MBNL2: variants seen among roughly 807,000 people sequenced by gnomAD.
The protein encoded by MBNL2 is muscleblind-like protein 2.
MBNL2 carries 17 observed loss-of-function variants against 41.9 expected under a neutral mutation model. That is an observed-to-expected ratio of 0.41 (90% CI 0.28 to 0.61). MBNL2 has a LOEUF of 0.61. Among genes scored for constraint, MBNL2 ranks in the 20% least tolerant of loss-of-function variants. The probability of loss-of-function intolerance (pLI) is 0.35; values close to 1 mark genes in which losing one functional copy is unlikely to be tolerated. For synonymous variants in MBNL2, 195 were observed against 182.9 expected (o/e 1.07, Z -0.53); for missense variants, 336 against 505.6 (o/e 0.66, Z 3.22).
the MBNL2 span, among the ~76,000 whole-genome samples, chr13:97,186,177 A>G: frequency 6.6e-6 from 1 of 152,348 alleles, no homozygotes; most frequent in African/African-American, 2.4e-5. Flanking sequence ...CCAGATGGGT[A>G]AATTTCATAA....
upstream of MBNL2, among the ~76,000 whole-genome samples, chr13:97,220,197 T>C (rs1259658388): frequency 6.6e-6 from 1 of 152,222 alleles, no homozygotes; most frequent in Non-Finnish European, 1.5e-5. Flanking sequence ...GCATTTATTA[T>C]GTGCCAGTCA....
chr13:97,205,096 G>T, the MBNL2 span, among the ~76,000 whole-genome samples: 6 of 150,712 alleles, frequency 4.0e-5, no homozygotes, highest in African/African-American at 1.5e-4. Flanking sequence ...ACTTGAACCC[G>T]GGAGGTGGAG....
At chr13:97,367,366 T>A (rs1455925281) in intron 8 of MBNL2, among the ~76,000 whole-genome samples, 1 of 152,174 alleles carries the variant, frequency 6.6e-6, no homozygotes, top group Non-Finnish European at 1.5e-5. Context: ...AACTCTCACC[T>A]CGCCTGGAAG....
rs147584909 is a variant in MBNL2, at chr13:97,389,712, A to AAAAG, written c.1049-1586_1049-1583dup. 2.8e-3 allele frequency among the ~76,000 whole-genome samples: 428 copies of AAAAG among 151,746 alleles called. 1 individual carries two copies. The highest frequency in any genetic ancestry group is 7.5e-3 in the African/African-American group (310 of 41,280). On this transcript the variant is annotated intron_variant, in intron 8 of 8. Transcript: ENST00000679496. ...CAGAGGGAGACCCTGTCTCAAAAAA[A>AAAAG]AAAGAAAGAAAGAAAGAAAGAAAGA...
At position 97,383,347 on chromosome 13, in the gene MBNL2, T is replaced by C. The variant is rs536999151; in HGVS notation, c.1049-7975T>C. On this transcript the variant is annotated intron_variant, in intron 8 of 8. Transcript: ENST00000679496. ...TTATTCAAAGTTGAGCATTCCCGTT[T>C]ATGAATTTTATCCAGATACTCTAAG... 3.9e-5 allele frequency among the ~76,000 whole-genome samples: 6 copies of C among 152,354 alleles called. No individual in the cohort carries two copies. The South Asian group carries it at 1.2e-3, about 32-fold the overall frequency.
At chr13:97,174,150 AG>A in the MBNL2 span, among the ~76,000 whole-genome samples, 3 of 152,174 alleles carry the variant, frequency 2.0e-5, no homozygotes, top group Admixed American at 2.0e-4. Flanking sequence ...TCTCTTAGGC[AG>A]GGTGAAAAAT....
the MBNL2 span, among the ~76,000 whole-genome samples, chr13:97,197,926 GAT>G: frequency 6.6e-6 from 1 of 152,152 alleles, no homozygotes; most frequent in South Asian, 2.1e-4. Context: ...AAGTTAGAAA[GAT>G]ATTAGTAGAA....
At chr13:97,389,109 T>G (rs1187389401) in intron 8 of MBNL2, among the ~76,000 whole-genome samples, 1 of 152,200 alleles carries the variant, frequency 6.6e-6, no homozygotes, top group Non-Finnish European at 1.5e-5. Flanking sequence ...ATCGGTAGAC[T>G]GGGGCAGAGG....
chr13:97,351,988 C>T (rs1051264230), intron 5 of MBNL2, among the ~76,000 whole-genome samples: 9 of 150,560 alleles, frequency 6.0e-5, no homozygotes, highest in Non-Finnish European at 1.2e-4. Flanking sequence ...CATGCCACTG[C>T]ACTCTAGCCT....
chr13:97,257,203 T>C (rs2047718517), intron 1 of MBNL2, among the ~76,000 whole-genome samples: 1 of 151,872 alleles, frequency 6.6e-6, no homozygotes, highest in Non-Finnish European at 1.5e-5. Flanking sequence ...TTGGGTTTGA[T>C]TCAAAGTCAT....
intron 8 of MBNL2, among the ~76,000 whole-genome samples, chr13:97,388,000 G>A (rs932472456): frequency 2.0e-5 from 3 of 152,152 alleles, no homozygotes; most frequent in Non-Finnish European, 2.9e-5. Flanking sequence ...GTGCCTTGGA[G>A]GTTGAGTAGG....
At chr13:97,302,850 G>C (rs970843808) in intron 2 of MBNL2, among the ~76,000 whole-genome samples, 2 of 152,198 alleles carry the variant, frequency 1.3e-5, no homozygotes, top group Non-Finnish European at 2.9e-5. Flanking sequence ...GTGAAGAAGG[G>C]AGGGAGGGGC....
At chr13:97,229,168 C>T (rs2042054427) in intron 1 of MBNL2, among the ~76,000 whole-genome samples, 2 of 148,884 alleles carry the variant, frequency 1.3e-5, no homozygotes, top group African/African-American at 5.0e-5. Context: ...ATTAATCAAA[C>T]TTAAAGTATT....
chr13:97,347,876 G>A (rs1420588925), intron 5 of MBNL2, among the ~76,000 whole-genome samples: 3 of 152,068 alleles, frequency 2.0e-5, no homozygotes, highest in African/African-American at 7.2e-5. Flanking sequence ...AGACCTCAGG[G>A]AATCAGAATT....
chr13:97,348,306 A>G (rs1441165559), intron 5 of MBNL2, among the ~76,000 whole-genome samples: 1 of 151,410 alleles, frequency 6.6e-6, no homozygotes, highest in Non-Finnish European at 1.5e-5. Flanking sequence ...AGCAATTCTC[A>G]CACCTTTACC....
At chr13:97,293,628 T>G (rs2056547706) in intron 2 of MBNL2, among the ~76,000 whole-genome samples, 1 of 152,196 alleles carries the variant, frequency 6.6e-6, no homozygotes, top group Non-Finnish European at 1.5e-5. Context: ...TGCAAGAAAT[T>G]TTAATACTCC....
At chr13:97,263,173 C>T (rs1438952818) in intron 1 of MBNL2, among the ~76,000 whole-genome samples, 1 of 152,178 alleles carries the variant, frequency 6.6e-6, no homozygotes, top group Non-Finnish European at 1.5e-5. Flanking sequence ...TTGACCTCAG[C>T]AGTAACACCT....
chr13:97,170,909 A>T, the MBNL2 span, among the ~76,000 whole-genome samples: 3 of 152,146 alleles, frequency 2.0e-5, no homozygotes, highest in Non-Finnish European at 4.4e-5. Flanking sequence ...AACTATAAAC[A>T]TGTCTCCCAA....
chr13:97,163,507 G>A, the MBNL2 span, among the ~76,000 whole-genome samples: 3 of 152,204 alleles, frequency 2.0e-5, no homozygotes, highest in African/African-American at 7.2e-5. Flanking sequence ...TGCCAGGCCA[G>A]GCAGTTGCCC....
Sources: allele counts gnomAD v4.1 joint callset (sites outside exome capture counted in the v4.1 genomes callset), GRCh38; gene constraint gnomAD v4.1.1; transcripts MANE v1.5; gene names NCBI Gene and HGNC (gene_info 2026-07-23, HGNC 2026-07-21).